The following AP3B1 variants were observed in gnomAD, a reference collection of about 807,000 sequenced individuals.
AP3B1 encodes adaptor related protein complex 3 subunit beta 1, also known as AP-3 complex subunit beta-1.
Under a neutral mutation model 132.5 loss-of-function variants are expected in AP3B1, and 61 were observed. The observed-to-expected ratio is 0.46, with a 90% CI of 0.37 to 0.57. AP3B1 has a LOEUF of 0.57. Ranked by LOEUF, AP3B1 falls within the 20% of genes least tolerant of loss-of-function variation. The pLI, the probability that AP3B1 is intolerant of heterozygous loss-of-function variation, is 0.00. For missense variants in AP3B1, 1,120 were observed against 1,289.4 expected, an observed-to-expected ratio of 0.87 and a Z score of 2.01; for synonymous variants, 388 against 438.3, an observed-to-expected ratio of 0.89 and a Z score of 1.43.
intron 7 of AP3B1, among the ~76,000 whole-genome samples, chr5:78,210,001 A>C (rs1197191002): frequency 2.6e-5 from 4 of 152,166 alleles, no homozygotes; most frequent in African/African-American, 7.2e-5. Flanking sequence ...AGGAGACATT[A>C]TTTCAATATT....
intron 3 of AP3B1, among the ~76,000 whole-genome samples, chr5:78,238,928 G>A (rs956327506): frequency 6.7e-6 from 1 of 148,636 alleles, no homozygotes; most frequent in African/African-American, 2.5e-5. Flanking sequence ...TCAACAACAG[G>A]TGCACACTAG....
intron 1 of AP3B1, among the ~76,000 whole-genome samples, chr5:78,270,180 A>G (rs1037559745): frequency 6.6e-6 from 1 of 152,054 alleles, no homozygotes; most frequent in African/African-American, 2.4e-5. Context: ...CCAAAGTGCT[A>G]TGATTACAGA....
intron 21 of AP3B1, among the ~76,000 whole-genome samples, chr5:78,094,658 C>T (rs1036471272): frequency 6.6e-6 from 1 of 151,956 alleles, no homozygotes; most frequent in Non-Finnish European, 1.5e-5. Flanking sequence ...ATGCCTCTAA[C>T]AGCTTGACTG....
At chr5:78,184,477 G>A in intron 7 of AP3B1, among the ~76,000 whole-genome samples, 1 of 151,950 alleles carries the variant, frequency 6.6e-6, no homozygotes, top group African/African-American at 2.4e-5. Flanking sequence ...ACGAGGTCAG[G>A]AGATTGAGAC....
intron 15 of AP3B1, among the ~76,000 whole-genome samples, chr5:78,132,821 C>T (rs1160533025): frequency 1.3e-5 from 2 of 152,128 alleles, no homozygotes; most frequent in Admixed American, 6.5e-5. Context: ...ATGTTAAGTA[C>T]TAAGTGGAAA....
chr5:78,191,286 C>T (rs954154826), intron 7 of AP3B1, among the ~76,000 whole-genome samples: 1 of 132,266 alleles, frequency 7.6e-6, no homozygotes, highest in African/African-American at 2.9e-5. Flanking sequence ...ATTATGCAGA[C>T]AAGACCCAGA....
intron 22 of AP3B1, among the ~76,000 whole-genome samples, chr5:78,048,716 T>C (rs1010554424): frequency 6.6e-6 from 1 of 152,234 alleles, no homozygotes; most frequent in Admixed American, 6.5e-5. Flanking sequence ...GGATGGTTCT[T>C]GATGCCCAGA....
chr5:78,024,270 T>A (rs933571207), intron 24 of AP3B1, among the ~76,000 whole-genome samples: 2 of 152,144 alleles, frequency 1.3e-5, no homozygotes, highest in African/African-American at 4.8e-5. Flanking sequence ...AGTATGAAAT[T>A]TAAAATTTCA....
intron 2 of AP3B1, among the ~76,000 whole-genome samples, chr5:78,261,753 A>T (rs1385470136): frequency 1.7e-4 from 18 of 104,458 alleles, no homozygotes; most frequent in Admixed American, 1.7e-3. Context: ...GGCATGAGCC[A>T]CCGGTTGTTG....
rs1342440281 is a variant in AP3B1, at chr5:78,175,623, T to C, written c.1167+3A>G. ...AGCCTCTGAAAAATGAAAGCATACA[T>C]ACCTTCAGTGTCTTGATCATAGTTG... On this transcript the variant is annotated splice_donor_region_variant and intron_variant, in intron 11 of 26. Coordinates refer to ENST00000255194, the MANE Select transcript of AP3B1 (RefSeq NM_003664.5). 1.2e-6 allele frequency: 2 copies of C among 1,610,568 alleles called. No homozygotes were observed. The highest frequency in any genetic ancestry group is 1.7e-6 in the Non-Finnish European group (2 of 1,177,232).
chr5:78,029,295 A>G (rs564380928), intron 24 of AP3B1, among the ~76,000 whole-genome samples: 1 of 152,176 alleles, frequency 6.6e-6, no homozygotes, highest in Non-Finnish European at 1.5e-5. Flanking sequence ...TTCTTGGAGG[A>G]TTACAATGAA....
chr5:78,228,912 T>C (rs1746511859), intron 3 of AP3B1, among the ~76,000 whole-genome samples: 1 of 152,106 alleles, frequency 6.6e-6, no homozygotes, highest in Non-Finnish European at 1.5e-5. Context: ...TGGATGTGTG[T>C]TCTGGAAACA....
intron 24 of AP3B1, among the ~76,000 whole-genome samples, chr5:78,022,415 G>A (rs1747142847): frequency 6.6e-6 from 1 of 152,186 alleles, no homozygotes; most frequent in Admixed American, 6.5e-5. Flanking sequence ...CTTTGGGAAT[G>A]ATGAGCAGCC....
chr5:78,098,672 C>T (rs914870055), intron 21 of AP3B1, among the ~76,000 whole-genome samples: 7 of 152,212 alleles, frequency 4.6e-5, no homozygotes, highest in African/African-American at 7.2e-5. Context: ...GAGCTAACCA[C>T]TGAACAATGC....
chr5:78,039,437 A>G (rs1747957247), intron 22 of AP3B1, among the ~76,000 whole-genome samples, 163 bp from the exon 23 acceptor site: 1 of 152,244 alleles, frequency 6.6e-6, no homozygotes, highest in African/African-American at 2.4e-5. Context: ...GATATTAGTC[A>G]GAAATGATAC....
chr5:78,169,037 CT>C (rs572068298), intron 11 of AP3B1, among the ~76,000 whole-genome samples: 86 of 152,110 alleles, frequency 5.7e-4, no homozygotes, highest in African/African-American at 1.9e-3. Context: ...ATAGTCCATC[CT>C]TTCCTCATTG....
At chr5:78,132,360 T>C (rs1752726124) in intron 15 of AP3B1, among the ~76,000 whole-genome samples, 1 of 152,214 alleles carries the variant, frequency 6.6e-6, no homozygotes, top group Non-Finnish European at 1.5e-5. Context: ...CAGAATAAAC[T>C]TCCAAAAGCT....
At chr5:78,058,074 C>T (rs77084893) in intron 22 of AP3B1, among the ~76,000 whole-genome samples, 58 of 152,020 alleles carry the variant, frequency 3.8e-4, no homozygotes, top group African/African-American at 1.2e-3. Context: ...TTAATAGCAC[C>T]GGTTAGTTAT....
intron 24 of AP3B1, among the ~76,000 whole-genome samples, chr5:78,029,732 C>T (rs1211790930): frequency 6.6e-6 from 1 of 152,042 alleles, no homozygotes; most frequent in African/African-American, 2.4e-5. Flanking sequence ...GAACTCCTGG[C>T]CTCGAGGGAT....
Sources: gnomAD v4.1 joint callset for allele counts (sites outside exome capture counted in the v4.1 genomes callset) on GRCh38, gnomAD v4.1.1 for gene constraint, MANE v1.5 for transcripts, NCBI Gene and HGNC (gene_info 2026-07-23, HGNC 2026-07-21) for gene names.